ZNF280B: variants seen among roughly 807,000 people sequenced by gnomAD.
The protein encoded by ZNF280B is suppressor of hairy wing homolog 2.
In ZNF280B, 16 loss-of-function variants were observed where a neutral mutation model predicts 38.0. The observed-to-expected ratio is 0.42, with a 90% confidence interval of 0.28 to 0.64. The LOEUF (loss-of-function observed/expected upper bound fraction) is 0.64, where lower values mean the gene tolerates loss of function less well. ZNF280B is among the 30% of genes least tolerant of loss of function. The probability of loss-of-function intolerance (pLI) is 0.21; values close to 1 mark genes in which losing one functional copy is unlikely to be tolerated. For missense variants in ZNF280B, 581 were observed against 639.6 expected, an observed-to-expected ratio of 0.91 and a Z score of 0.99; for synonymous variants, 253 against 230.6, an observed-to-expected ratio of 1.10 and a Z score of -0.88.
chr22:22,508,239 A>G (rs1353153090), intron 1 of ZNF280B, among the ~76,000 whole-genome samples: 1 of 151,848 alleles, frequency 6.6e-6, no homozygotes, highest in Non-Finnish European at 1.5e-5. Flanking sequence ...GTCTGGGCCT[A>G]CAGGTCTCCA....
At chr22:22,490,295 T>C (rs1035466727) in intron 3 of ZNF280B, among the ~76,000 whole-genome samples, 2 of 151,872 alleles carry the variant, frequency 1.3e-5, no homozygotes, top group South Asian at 2.1e-4. Context: ...GACTGTATCA[T>C]TGTTCAGCTC....
rs361803 is a variant in ZNF280B, at chr22:22,507,554, CTT to C, written c.-187+254_-187+255del. On this transcript the variant is annotated intron_variant, in intron 2 of 3. Coordinates refer to ENST00000626650, the MANE Select transcript of ZNF280B (RefSeq NM_080764.4). ...TATATAACTTAACATCCCTGATGCT[CTT>C]TTTTTTTTTTTCAAGAGATGTGGTA... 9.6e-5 allele frequency among the ~76,000 whole-genome samples: 14 copies of C among 145,322 alleles called. No individual in the cohort carries two copies. In the East Asian group the frequency reaches 1.7e-3, roughly 17 times the overall value.
chr22:22,487,562 T>G lies in ZNF280B; in HGVS notation c.*205A>C, dbSNP rs1400897121. On this transcript the variant is annotated 3_prime_UTR_variant, in exon 4 of 4. Coordinates refer to ENST00000626650, the MANE Select transcript of ZNF280B (RefSeq NM_080764.4). ...TTTTATGTGTTAAGCCAGATACAGT[T>G]AACATGAAAACCAGATGTTTTAAAA... 2 of 479,928 alleles carry G rather than the reference T, an allele frequency of 4.2e-6. No homozygotes were observed. Among genetic ancestry groups the G allele is most frequent in the Non-Finnish European group, 7.2e-6 (2 of 277,506 alleles). 29.7% of individuals were successfully genotyped at this position (479,928 alleles called of 1,614,324 possible).
rs973550835 is a variant in ZNF280B at position 22,485,159 on chromosome 22, T to C, written c.*2608A>G. The C allele has an allele frequency of 1.3e-5, 2 of 151,996 alleles. No individual in the cohort carries two copies. The highest frequency in any genetic ancestry group is 4.8e-5 in the African/African-American group (2 of 41,384). 9.4% of individuals were successfully genotyped at this position (151,996 alleles called of 1,614,324 possible). On this transcript the variant is annotated 3_prime_UTR_variant, in exon 4 of 4. Coordinates refer to ENST00000626650, the MANE Select transcript of ZNF280B (RefSeq NM_080764.4). ...GTAGGCAGGGGCCAGATCACTGGAA[T>C]CTACAGTTGGCAATTAATGACCATA... is the stretch of plus-strand genomic sequence containing the variant.
chr22:22,500,205 C>A (rs1036123531), intron 2 of ZNF280B, among the ~76,000 whole-genome samples: 15 of 151,868 alleles, frequency 9.9e-5, no homozygotes, highest in African/African-American at 3.6e-4. Flanking sequence ...AACAGAACTA[C>A]TATATGTTCT....
intron 3 of ZNF280B, among the ~76,000 whole-genome samples, chr22:22,489,849 T>C (rs935144753): frequency 2.6e-5 from 4 of 151,934 alleles, no homozygotes; most frequent in East Asian, 2.0e-4. Context: ...TAGCAAGTTT[T>C]TTACTTTTAA....
chr22:22,489,231 G>C lies in ZNF280B; in HGVS notation c.168C>G (p.Val56=). 2 of 1,613,752 alleles carry C rather than the reference G, an allele frequency of 1.2e-6. No individual in the cohort carries two copies. Among genetic ancestry groups the C allele is most frequent in the East Asian group, 2.2e-5 (1 of 44,798 alleles). Residue 56 remains valine, a synonymous_variant, in exon 4 of 4, where the codon GTC becomes GTG. Transcript: ENST00000626650. ...TGACTCTGTTCAAAATGTTTGAAACGACTGGTTTTGAATTTGAAGTCACCC... is the reference window on the plus strand; with the variant it reads ...TGACTCTGTTCAAAATGTTTGAAACCACTGGTTTTGAATTTGAAGTCACCC... ...FVGVTSNSKP[V]VSNILNRVTP...
chr22:22,509,098 A>T (rs2062000293), upstream of ZNF280B: 2 of 153,732 alleles, frequency 1.3e-5, no homozygotes, highest in Admixed American at 1.3e-4. Flanking sequence ...TCAGGGTTCC[A>T]GAGCTGTCGC....
chr22:22,490,318 C>T (rs982841982), intron 3 of ZNF280B, among the ~76,000 whole-genome samples: 5 of 152,002 alleles, frequency 3.3e-5, no homozygotes, highest in East Asian at 3.9e-4. Context: ...AACCCTCAAA[C>T]GGCTTTCTGA....
intron 2 of ZNF280B, among the ~76,000 whole-genome samples, chr22:22,496,097 CGCCTG>C: frequency 7.3e-6 from 1 of 136,462 alleles, no homozygotes; most frequent in South Asian, 2.4e-4. Flanking sequence ...TGAGCCACTG[CGCCTG>C]GCCTTTTTTT....
At chr22:22,493,020 T>C (rs191348435) in intron 3 of ZNF280B, among the ~76,000 whole-genome samples, 1 of 152,100 alleles carries the variant, frequency 6.6e-6, no homozygotes, top group Non-Finnish European at 1.5e-5. Context: ...TTATTATTTT[T>C]TCTTTTTCAA....
At position 22,488,248 on chromosome 22, in the gene ZNF280B, G is replaced by A. The variant is rs772867738; in HGVS notation, c.1151C>T (p.Thr384Ile). Residue 384 changes from threonine (T) to isoleucine (I), a missense_variant, in exon 4 of 4, where the codon ACA (threonine) becomes ATA (isoleucine). Thr to Ile is a moderately conservative substitution (Grantham distance 89, BLOSUM62 -1). Coordinates refer to ENST00000626650, the MANE Select transcript of ZNF280B (RefSeq NM_080764.4). ...VCKICELSFE[T>I]DQVLLQHMKD... ...CATGTGTTGTAAGAGGACCTGATCTGTTTCAAATGACAATTCACAGATTTT... is the reference window on the plus strand; with the variant it reads ...CATGTGTTGTAAGAGGACCTGATCTATTTCAAATGACAATTCACAGATTTT... The A allele has an allele frequency of 6.2e-7, 1 of 1,613,870 alleles. No homozygotes were observed. The highest frequency in any genetic ancestry group is 2.2e-5 in the East Asian group (1 of 44,786).
chr22:22,487,675 T>G lies in ZNF280B; in HGVS notation c.*92A>C. Reference sequence around the variant, plus strand: ...AATCCACTAGTTTCACTATTTTTGGTGCTACTGAATAATGTATGGTTTGTA... The same window carrying G: ...AATCCACTAGTTTCACTATTTTTGGGGCTACTGAATAATGTATGGTTTGTA... On this transcript the variant is annotated 3_prime_UTR_variant, in exon 4 of 4. Coordinates refer to ENST00000626650, the MANE Select transcript of ZNF280B (RefSeq NM_080764.4). 5.8e-6 allele frequency: 6 copies of G among 1,027,140 alleles called. No homozygotes were observed. Among genetic ancestry groups the G allele is most frequent in the Non-Finnish European group, 8.5e-6 (6 of 708,822 alleles). 63.6% of individuals were successfully genotyped at this position (1,027,140 alleles called of 1,614,324 possible).
chr22:22,507,591 C>T (rs1307873669), intron 2 of ZNF280B, among the ~76,000 whole-genome samples: 1 of 151,208 alleles, frequency 6.6e-6, no homozygotes, highest in Non-Finnish European at 1.5e-5. Flanking sequence ...AAAAGAATGC[C>T]ACTACCACCC....
chr22:22,494,739 GT>G (rs2061660747), intron 2 of ZNF280B, among the ~76,000 whole-genome samples: 1 of 151,614 alleles, frequency 6.6e-6, no homozygotes, highest in African/African-American at 2.4e-5. Flanking sequence ...CTAGATCATT[GT>G]TTTTTGTTTT....
chr22:22,487,631 T>C lies in ZNF280B; in HGVS notation c.*136A>G. 4.5e-6 allele frequency: 3 copies of C among 663,198 alleles called. No individual in the cohort carries two copies. The highest frequency in any genetic ancestry group is 7.3e-6 in the Non-Finnish European group (3 of 410,518). 41.1% of individuals were successfully genotyped at this position (663,198 alleles called of 1,614,324 possible). ...ATCAAATAATATATATCCTGAATCT[T>C]GTTTAAAAAGTCATATATAATCCAC... On this transcript the variant is annotated 3_prime_UTR_variant, in exon 4 of 4. Transcript: ENST00000626650.
At chr22:22,498,793 CTTTTTTTTTTTTTTT>C (rs60940298) in intron 2 of ZNF280B, among the ~76,000 whole-genome samples, 2 of 83,632 alleles carry the variant, frequency 2.4e-5, no homozygotes, top group African/African-American at 1.0e-4. Context: ...GGCCAATATC[CTTTTTTTTTTTTTTT>C]TTTTTTGGAG....
intron 3 of ZNF280B, among the ~76,000 whole-genome samples, chr22:22,490,657 C>T (rs974520109): frequency 2.0e-5 from 3 of 151,594 alleles, no homozygotes; most frequent in Non-Finnish European, 4.4e-5. Context: ...CAGTAGAGAT[C>T]GGGTTTCACC....
intron 3 of ZNF280B, among the ~76,000 whole-genome samples, chr22:22,491,242 T>G (rs16989048): frequency 0.026 from 3,934 of 151,824 alleles, 163 homozygotes; most frequent in African/African-American, 0.087. Flanking sequence ...ACATTTTCTA[T>G]GAATTTACTC....
Sources: allele counts gnomAD v4.1 joint callset (sites outside exome capture counted in the v4.1 genomes callset), GRCh38; gene constraint gnomAD v4.1.1; transcripts MANE v1.5; gene names NCBI Gene and HGNC (gene_info 2026-07-23, HGNC 2026-07-21).